Variants in PRKCQ observed in about 807,000 individuals in gnomAD.
PRKCQ encodes the protein protein kinase C theta type.
PRKCQ carries 41 observed loss-of-function variants against 91.2 expected under a neutral mutation model. That is an observed-to-expected ratio of 0.45 (90% CI 0.35 to 0.58). PRKCQ has a LOEUF of 0.58. Ranked by LOEUF, PRKCQ falls within the 20% of genes least tolerant of loss-of-function variation. PRKCQ has a pLI of 0.00. For synonymous variants in PRKCQ, 307 were observed against 316.9 expected (o/e 0.97, Z 0.33); for missense variants, 673 against 896.5 (o/e 0.75, Z 3.18).
rs1840611732 is a variant in PRKCQ, at chr10:6,561,041, A to AT, written c.-10+19169_-10+19170insA. On this transcript the variant is annotated intron_variant, in intron 1 of 17. Transcript: ENST00000263125. Reference sequence around the variant, plus strand: ...GCGACAGAGGGAGACTCCATTTCAAAAAAAAAAAAAAATTTATTCTTTTCA... The same window carrying AT: ...GCGACAGAGGGAGACTCCATTTCAAATAAAAAAAAAAAATTTATTCTTTTCA... Among the ~76,000 whole-genome samples, 4 of 151,142 alleles carry AT rather than the reference A, an allele frequency of 2.6e-5. No individual in the cohort carries two copies. In the South Asian group the frequency reaches 6.3e-4, roughly 24 times the overall value.
rs145073989 is a variant in PRKCQ at position 6,479,874 on chromosome 10, C to T, written c.1180-709G>A. ...AGGCTGAGGTGGGGAATTGCTTGAA[C>T]CTGGGAGGCGGAGGTTGTGGTGAAC... On this transcript the variant is annotated intron_variant, in intron 11 of 17. Coordinates refer to ENST00000263125, the MANE Select transcript of PRKCQ (RefSeq NM_006257.5). 6.9e-3 allele frequency among the ~76,000 whole-genome samples: 1,042 copies of T among 151,154 alleles called. 11 individuals carry two copies. Among genetic ancestry groups the T allele is most frequent in the African/African-American group, 0.024 (1,001 of 41,114 alleles).
chr10:6,561,613 T>C (rs1840637239), intron 1 of PRKCQ, among the ~76,000 whole-genome samples: 2 of 152,222 alleles, frequency 1.3e-5, no homozygotes. Context: ...AAATAATTTA[T>C]GTAGATCTCA....
At chr10:6,574,999 C>G (rs1439219577) in intron 1 of PRKCQ, among the ~76,000 whole-genome samples, 1 of 152,134 alleles carries the variant, frequency 6.6e-6, no homozygotes, top group Non-Finnish European at 1.5e-5. Flanking sequence ...TTGTTCACAA[C>G]TTGGTATGTG....
At chr10:6,431,610 C>G (rs1243198821) in intron 16 of PRKCQ, among the ~76,000 whole-genome samples, 2 of 152,226 alleles carry the variant, frequency 1.3e-5, no homozygotes, top group African/African-American at 4.8e-5. Context: ...TTACACCCAA[C>G]AGCATAGAGT....
intron 1 of PRKCQ, among the ~76,000 whole-genome samples, chr10:6,521,922 G>GTTATTTATTTATTTATTTAT (rs71379861): frequency 1.9e-4 from 12 of 63,266 alleles, no homozygotes; most frequent in African/African-American, 5.0e-4. Flanking sequence ...GTTATGTTAT[G>GTTATTTATTTATTTATTTAT]TTATTTATTT....
intron 1 of PRKCQ, among the ~76,000 whole-genome samples, chr10:6,577,222 T>A (rs183123476): frequency 6.6e-6 from 1 of 152,318 alleles, no homozygotes; most frequent in Non-Finnish European, 1.5e-5. Flanking sequence ...GCTCATTTTG[T>A]CCCCAAGAAT....
chr10:6,402,371 C>CAAA, the PRKCQ span, among the ~76,000 whole-genome samples: 2,872 of 65,894 alleles, frequency 0.044, 130 homozygotes, highest in African/African-American at 0.059. Context: ...ATTTCAATGC[C>CAAA]AAAAAAAAAA....
chr10:6,484,535 T>G (rs501878), intron 10 of PRKCQ, among the ~76,000 whole-genome samples: 46,589 of 152,158 alleles, frequency 0.31, 7,536 homozygotes, highest in Middle Eastern at 0.57. Flanking sequence ...TAAGTTGATT[T>G]GAAGTCAGAG....
intron 4 of PRKCQ, among the ~76,000 whole-genome samples, chr10:6,499,767 G>A (rs1310612267): frequency 6.6e-6 from 1 of 152,164 alleles, no homozygotes; most frequent in Non-Finnish European, 1.5e-5. Context: ...GCTAAGCAGT[G>A]GCAGTAGCCT....
At chr10:6,560,993 T>C (rs1303384991) in intron 1 of PRKCQ, among the ~76,000 whole-genome samples, 1 of 149,856 alleles carries the variant, frequency 6.7e-6, no homozygotes. Context: ...GAGCCGAGAT[T>C]GCACCACTGC....
At position 6,548,434 on chromosome 10, in the gene PRKCQ, A is replaced by G. The variant is rs374289738; in HGVS notation, c.-10+31777T>C. Among the ~76,000 whole-genome samples the G allele has an allele frequency of 6.6e-5, 10 of 151,154 alleles. No homozygotes were observed. In the East Asian group the frequency reaches 1.4e-3, roughly 21 times the overall value. On this transcript the variant is annotated intron_variant, in intron 1 of 17. Coordinates refer to ENST00000263125, the MANE Select transcript of PRKCQ (RefSeq NM_006257.5). ...TGCTGCTATAAAGACACATGCACAC[A>G]TATGTTTATTGTGGCACTATTCACA...
In PRKCQ at chr10:6,456,662, C is replaced by A. The variant is rs199541097; in HGVS notation, c.1647+12G>T. 4.0e-5 allele frequency: 64 copies of A among 1,613,808 alleles called. No homozygotes were observed. In the African/African-American group the frequency reaches 7.6e-4, roughly 19 times the overall value. On this transcript the variant is annotated intron_variant, in intron 15 of 17. Transcript: ENST00000263125. The stretch of plus-strand genomic sequence containing the variant: ...ATGGTGAGGTGGGAGCAGCCTGTCA[C>A]TGCATTCCTACCTCTGGGGCGATGT...
intron 4 of PRKCQ, among the ~76,000 whole-genome samples, chr10:6,506,204 A>ATTCT (rs528777958): frequency 2.4e-4 from 36 of 152,166 alleles, no homozygotes; most frequent in African/African-American, 8.7e-4. Flanking sequence ...CATCTCAGTA[A>ATTCT]TTCTTTCTTT....
intron 15 of PRKCQ, among the ~76,000 whole-genome samples, chr10:6,446,427 G>A (rs181798102): frequency 3.7e-3 from 531 of 144,968 alleles, no homozygotes; most frequent in Middle Eastern, 7.1e-3. Context: ...GTGCAGTGGC[G>A]CGATCTCAGC....
rs1838462398 is a variant in PRKCQ, at chr10:6,511,251, C to T, written c.119-57G>A. 3 of 1,524,290 alleles carry T rather than the reference C, an allele frequency of 2.0e-6. No homozygotes were observed. In the African/African-American group the frequency reaches 4.1e-5, roughly 21 times the overall value. 94.4% of individuals were successfully genotyped at this position (1,524,290 alleles called of 1,614,324 possible). On this transcript the variant is annotated intron_variant, in intron 2 of 17. Transcript: ENST00000263125. ...CTTCAGCCAGGCCTGGAAAATAATT[C>T]AGTTCAACTCAACAGTAGCACCTGC...
chr10:6,568,147 G>A (rs1007718443), intron 1 of PRKCQ, among the ~76,000 whole-genome samples: 29 of 152,154 alleles, frequency 1.9e-4, no homozygotes, highest in Middle Eastern at 3.4e-3. Context: ...GGCGAAGGGC[G>A]GAGGTTGCAG....
rs565663508 is a variant in PRKCQ at position 6,457,375 on chromosome 10, C to T, written c.1509-563G>A. Among the ~76,000 whole-genome samples, 8 of 152,208 alleles carry T rather than the reference C, an allele frequency of 5.3e-5. No homozygotes were observed. In the East Asian group the frequency reaches 1.2e-3, roughly 22 times the overall value. On this transcript the variant is annotated intron_variant, in intron 14 of 17. Coordinates refer to ENST00000263125, the MANE Select transcript of PRKCQ (RefSeq NM_006257.5). ...TAATATTTTTTAAAAAACAATTAAC[C>T]GAACTTTGCTTCCATGTGATGTCAC...
At chr10:6,435,044 A>G (rs1293191744) in intron 16 of PRKCQ, among the ~76,000 whole-genome samples, 1 of 152,022 alleles carries the variant, frequency 6.6e-6, no homozygotes, top group Non-Finnish European at 1.5e-5. Context: ...CCTCCCGAGT[A>G]GCTGGGACTA....
At chr10:6,491,638 C>G in intron 8 of PRKCQ, 45 bp downstream of exon 8, 5 of 1,610,148 alleles carry the variant, frequency 3.1e-6, no homozygotes, top group Non-Finnish European at 4.2e-6. Context: ...GCTCCATCCC[C>G]TAGGGGGTCC....
Sources: allele counts gnomAD v4.1 joint callset (sites outside exome capture counted in the v4.1 genomes callset), GRCh38; gene constraint gnomAD v4.1.1; transcripts MANE v1.5; gene names NCBI Gene and HGNC (gene_info 2026-07-23, HGNC 2026-07-21).